Variants in CHCHD6 observed in about 807,000 individuals in gnomAD.
CHCHD6 encodes the protein MICOS complex subunit MIC25.
A neutral mutation model predicts 32.3 loss-of-function variants in CHCHD6; 28 were observed. That is an observed-to-expected ratio of 0.87 (90% CI 0.64 to 1.19). CHCHD6 has a LOEUF of 1.19. CHCHD6 is among the 50% of genes most tolerant of loss of function. The pLI is 0.00. For missense variants in CHCHD6, 333 were observed against 307.0 expected (o/e 1.08, Z -0.63); for synonymous variants, 122 against 117.5 (o/e 1.04, Z -0.25).
intron 4 of CHCHD6, among the ~76,000 whole-genome samples, chr3:126,780,850 G>A (rs1398671364): frequency 2.0e-5 from 3 of 152,162 alleles, no homozygotes; most frequent in Admixed American, 1.3e-4. Flanking sequence ...GCAGGCAGAC[G>A]AATGCTGATA....
intron 4 of CHCHD6, among the ~76,000 whole-genome samples, chr3:126,810,704 G>A (rs1160954343): frequency 1.3e-5 from 2 of 152,196 alleles, no homozygotes. Context: ...ACTGGGTGGG[G>A]AGTGTATAGG....
chr3:126,813,733 A>G (rs1939758796), intron 4 of CHCHD6, among the ~76,000 whole-genome samples: 1 of 152,142 alleles, frequency 6.6e-6, no homozygotes, highest in South Asian at 2.1e-4. Context: ...TCCAGGGTCC[A>G]CCCTCACCTG....
intron 4 of CHCHD6, among the ~76,000 whole-genome samples, chr3:126,765,683 G>A (rs1279343051): frequency 6.6e-6 from 1 of 152,238 alleles, no homozygotes; most frequent in Non-Finnish European, 1.5e-5. Flanking sequence ...TCTCTAATTG[G>A]TGAGTGCATG....
At chr3:126,910,611 A>G (rs2078075817) in intron 5 of CHCHD6, among the ~76,000 whole-genome samples, 1 of 152,236 alleles carries the variant, frequency 6.6e-6, no homozygotes, top group African/African-American at 2.4e-5. Context: ...TGTTCCCTAC[A>G]GATACACACA....
chr3:126,876,641 A>T (rs1044596124), intron 5 of CHCHD6, among the ~76,000 whole-genome samples: 3 of 152,220 alleles, frequency 2.0e-5, no homozygotes, highest in Non-Finnish European at 4.4e-5. Flanking sequence ...ATTATCTCCT[A>T]TGACCACTTT....
chr3:126,951,450 A>T (rs896914956), intron 6 of CHCHD6, among the ~76,000 whole-genome samples: 3 of 152,136 alleles, frequency 2.0e-5, no homozygotes, highest in Admixed American at 6.5e-5. Context: ...CTTCACGTGG[A>T]TTGGAAGGGA....
At chr3:126,876,413 T>A (rs552016030) in intron 5 of CHCHD6, among the ~76,000 whole-genome samples, 18 of 152,348 alleles carry the variant, frequency 1.2e-4, no homozygotes, top group African/African-American at 4.1e-4. Flanking sequence ...TTGTCTGTAC[T>A]TGGGAATTGT....
At chr3:126,882,186 C>T (rs1490301268) in intron 5 of CHCHD6, among the ~76,000 whole-genome samples, 1 of 152,206 alleles carries the variant, frequency 6.6e-6, no homozygotes, top group African/African-American at 2.4e-5. Context: ...CCAAGCTATC[C>T]CCAGGTATCA....
intron 5 of CHCHD6, among the ~76,000 whole-genome samples, chr3:126,907,469 A>G (rs920529554): frequency 2.6e-5 from 4 of 152,144 alleles, no homozygotes; most frequent in Non-Finnish European, 4.4e-5. Flanking sequence ...ACCTTTTTAA[A>G]AAGACTTGTG....
At position 126,719,391 on chromosome 3, in the gene CHCHD6, C is replaced by G. The variant is rs542006097; in HGVS notation, c.88-7687C>G. ...TAGTGCATGCGGCTTCTTGCCCCCC[C>G]TGCCCTGCATGCTGCCATCACTTTA... On this transcript the variant is annotated intron_variant, in intron 1 of 7. Transcript: ENST00000290913. 2.6e-4 allele frequency among the ~76,000 whole-genome samples: 40 copies of G among 152,372 alleles called. No individual in the cohort carries two copies. The South Asian group carries it at 7.3e-3, about 28-fold the overall frequency.
intron 6 of CHCHD6, among the ~76,000 whole-genome samples, chr3:126,928,886 A>G (rs146493445): frequency 5.9e-5 from 9 of 152,152 alleles, no homozygotes; most frequent in Admixed American, 4.6e-4. Flanking sequence ...GGGGTCATTC[A>G]TGTGTGGTCA....
chr3:126,913,728 C>T (rs1166092171), intron 5 of CHCHD6, among the ~76,000 whole-genome samples: 1 of 152,240 alleles, frequency 6.6e-6, no homozygotes, highest in Non-Finnish European at 1.5e-5. Context: ...CTTCACCACA[C>T]TCCCACCTGG....
intron 4 of CHCHD6, among the ~76,000 whole-genome samples, chr3:126,771,812 C>T (rs1937547796): frequency 6.6e-6 from 1 of 152,162 alleles, no homozygotes; most frequent in Non-Finnish European, 1.5e-5. Flanking sequence ...TTAGCTATGT[C>T]CTGAGAGATT....
At chr3:126,768,946 C>T (rs1281775013) in intron 4 of CHCHD6, among the ~76,000 whole-genome samples, 1 of 152,170 alleles carries the variant, frequency 6.6e-6, no homozygotes, top group African/African-American at 2.4e-5. Flanking sequence ...AGACCTCTGT[C>T]AGATGTATAG....
chr3:126,890,540 TG>T (rs2077743140), intron 5 of CHCHD6, among the ~76,000 whole-genome samples: 2 of 151,930 alleles, frequency 1.3e-5, no homozygotes, highest in Non-Finnish European at 2.9e-5. Context: ...GAGGAGAGGT[TG>T]GGGATGAGAG....
At chr3:126,935,039 T>G (rs1334662391) in intron 6 of CHCHD6, 3 of 680,662 alleles carry the variant, frequency 4.4e-6, no homozygotes, top group Non-Finnish European at 5.5e-6. Context: ...TAAAGACACG[T>G]CTAATCAGAG....
At chr3:126,900,287 G>A (rs1031348052) in intron 5 of CHCHD6, among the ~76,000 whole-genome samples, 10 of 152,230 alleles carry the variant, frequency 6.6e-5, no homozygotes, top group African/African-American at 1.7e-4. Context: ...GGCATGTATC[G>A]CCTGTCAAAG....
intron 4 of CHCHD6, among the ~76,000 whole-genome samples, chr3:126,804,533 T>A (rs914091344): frequency 1.3e-5 from 2 of 152,224 alleles, no homozygotes; most frequent in Non-Finnish European, 2.9e-5. Flanking sequence ...AATCTCTGAA[T>A]AGACCAATAA....
chr3:126,872,026 T>C (rs2077479406), intron 5 of CHCHD6, among the ~76,000 whole-genome samples: 1 of 152,208 alleles, frequency 6.6e-6, no homozygotes, highest in Non-Finnish European at 1.5e-5. Context: ...TTCTAAAGAC[T>C]CTTATCTCTC....
Sources: gnomAD v4.1 joint callset for allele counts (sites outside exome capture counted in the v4.1 genomes callset) on GRCh38, gnomAD v4.1.1 for gene constraint, MANE v1.5 for transcripts, NCBI Gene and HGNC (gene_info 2026-07-23, HGNC 2026-07-21) for gene names.